Variants in GUCY1A2 observed in about 807,000 individuals in gnomAD.
GUCY1A2 encodes the protein guanylate cyclase 1 soluble subunit alpha 2, also known as guanylate cyclase soluble subunit alpha-2.
A neutral mutation model predicts 63.5 loss-of-function variants in GUCY1A2; 27 were observed. The ratio of observed to expected loss-of-function variants is 0.43; its 90% CI spans 0.31 to 0.59. The LOEUF (loss-of-function observed/expected upper bound fraction) is 0.59, where lower values mean the gene tolerates loss of function less well. Among genes scored for constraint, GUCY1A2 ranks in the 20% least tolerant of loss-of-function variants. The pLI, the probability that GUCY1A2 is intolerant of heterozygous loss-of-function variation, is 0.11. For missense variants in GUCY1A2, 768 were observed against 913.3 expected, an observed-to-expected ratio of 0.84 and a Z score of 2.05; for synonymous variants, 364 against 343.5, an observed-to-expected ratio of 1.06 and a Z score of -0.66.
chr11:106,939,493 C>T lies in GUCY1A2; in HGVS notation c.1173G>A (p.Lys391=). Residue 391 remains lysine, a synonymous_variant, in exon 4 of 8, where the codon AAG becomes AAA. Transcript: ENST00000526355. ...RLSTPFVIRT[K]PEASGSENKD... is the part of the protein sequence containing the mutation. ...TATTTTCAGAGCCAGAAGCCTCAGG[C>T]TTGGTTCTAATCACAAACGGGGTAG... The T allele has an allele frequency of 6.2e-7, 1 of 1,605,920 alleles. No individual in the cohort carries two copies. The highest frequency in any genetic ancestry group is 8.5e-7 in the Non-Finnish European group (1 of 1,173,100).
intron 6 of GUCY1A2, among the ~76,000 whole-genome samples, chr11:106,718,972 A>C (rs941722877): frequency 6.6e-6 from 1 of 152,166 alleles, no homozygotes; most frequent in Non-Finnish European, 1.5e-5. Context: ...GTCTTTGGCT[A>C]TCTAACCAAT....
chr11:106,753,045 A>G (rs1863911037), intron 6 of GUCY1A2, among the ~76,000 whole-genome samples: 1 of 150,588 alleles, frequency 6.6e-6, no homozygotes, highest in Admixed American at 6.6e-5. Context: ...TTTAATGATC[A>G]TGATGTTAAC....
chr11:106,769,559 A>T (rs189357569), intron 6 of GUCY1A2, among the ~76,000 whole-genome samples: 135 of 152,316 alleles, frequency 8.9e-4, no homozygotes, highest in African/African-American at 3.2e-3. Flanking sequence ...CTTTTTAAAA[A>T]CAAACACATT....
At chr11:106,827,180 A>C (rs1230191608) in intron 4 of GUCY1A2, 7 of 1,504,266 alleles carry the variant, frequency 4.7e-6, no homozygotes, top group Non-Finnish European at 6.5e-6. Flanking sequence ...CCTTCATGCC[A>C]ATCTGGTCCC....
At chr11:106,713,028 C>G (rs540055079) in intron 6 of GUCY1A2, among the ~76,000 whole-genome samples, 55 of 152,262 alleles carry the variant, frequency 3.6e-4, no homozygotes, top group African/African-American at 1.3e-3. Flanking sequence ...CCTCCTTGGT[C>G]TCCCAAGACT....
chr11:106,927,652 C>T (rs1860545173), intron 4 of GUCY1A2, among the ~76,000 whole-genome samples: 1 of 151,618 alleles, frequency 6.6e-6, no homozygotes, highest in Non-Finnish European at 1.5e-5. Flanking sequence ...GCAAGCTCCA[C>T]CTTCCGGGTT....
intron 4 of GUCY1A2, among the ~76,000 whole-genome samples, chr11:106,889,797 A>G (rs1052019720): frequency 1.3e-5 from 2 of 152,196 alleles, no homozygotes; most frequent in African/African-American, 4.8e-5. Context: ...ACTGAAGCCT[A>G]TATTACAACC....
At chr11:106,728,694 A>G (rs1265387669) in intron 6 of GUCY1A2, among the ~76,000 whole-genome samples, 1 of 152,192 alleles carries the variant, frequency 6.6e-6, no homozygotes, top group Non-Finnish European at 1.5e-5. Context: ...AATAGTTAAA[A>G]CTGAAGATGT....
intron 3 of GUCY1A2, among the ~76,000 whole-genome samples, chr11:106,950,960 C>A (rs1409058751): frequency 1.3e-5 from 2 of 152,114 alleles, no homozygotes; most frequent in Admixed American, 1.3e-4. Flanking sequence ...TCTCAATGTT[C>A]AACTCCCACT....
At chr11:106,898,152 A>G (rs1860077670) in intron 4 of GUCY1A2, among the ~76,000 whole-genome samples, 1 of 152,214 alleles carries the variant, frequency 6.6e-6, no homozygotes, top group South Asian at 2.1e-4. Context: ...AGATACCACT[A>G]CACACCTATG....
chr11:106,984,015 A>G (rs1412011973), intron 2 of GUCY1A2, among the ~76,000 whole-genome samples: 1 of 152,210 alleles, frequency 6.6e-6, no homozygotes, highest in Non-Finnish European at 1.5e-5. Flanking sequence ...AGAGAAATAG[A>G]AAGTAGAAAG....
At chr11:106,789,030 C>G (rs530305287) in intron 5 of GUCY1A2, among the ~76,000 whole-genome samples, 14 of 152,256 alleles carry the variant, frequency 9.2e-5, no homozygotes, top group African/African-American at 3.4e-4. Context: ...TCCAATCCAT[C>G]AACATGAAAT....
chr11:106,701,279 A>G (rs1367602505), intron 7 of GUCY1A2, among the ~76,000 whole-genome samples: 1 of 152,012 alleles, frequency 6.6e-6, no homozygotes, highest in Non-Finnish European at 1.5e-5. Context: ...TTTGTCCCAT[A>G]TACTCATGTT....
intron 4 of GUCY1A2, among the ~76,000 whole-genome samples, chr11:106,906,157 A>G (rs931505764): frequency 5.3e-5 from 8 of 152,164 alleles, no homozygotes; most frequent in Non-Finnish European, 1.0e-4. Flanking sequence ...TAAACAGGAA[A>G]CCTACAGAAT....
At chr11:106,795,488 A>G (rs1210485270) in intron 5 of GUCY1A2, among the ~76,000 whole-genome samples, 2 of 152,192 alleles carry the variant, frequency 1.3e-5, no homozygotes, top group Non-Finnish European at 2.9e-5. Context: ...CAATCTTAAG[A>G]ACAGCATTAT....
At chr11:106,867,405 G>A (rs1039879614) in intron 4 of GUCY1A2, among the ~76,000 whole-genome samples, 4 of 152,006 alleles carry the variant, frequency 2.6e-5, no homozygotes, top group Non-Finnish European at 5.9e-5. Context: ...AGACTCTCCA[G>A]TTAGGAAGAG....
At chr11:106,779,774 T>C (rs1228256822) in intron 5 of GUCY1A2, among the ~76,000 whole-genome samples, 2 of 152,200 alleles carry the variant, frequency 1.3e-5, no homozygotes, top group Admixed American at 6.5e-5. Flanking sequence ...TCTAATTGCA[T>C]AGAAAAGTTA....
chr11:106,723,438 T>G (rs1863352264), intron 6 of GUCY1A2, among the ~76,000 whole-genome samples: 2 of 152,256 alleles, frequency 1.3e-5, no homozygotes, highest in Non-Finnish European at 2.9e-5. Flanking sequence ...AGTACTGACT[T>G]CTGGGAAAAC....
At chr11:106,781,440 A>G (rs1348573615) in intron 5 of GUCY1A2, among the ~76,000 whole-genome samples, 2 of 152,134 alleles carry the variant, frequency 1.3e-5, no homozygotes, top group Admixed American at 1.3e-4. Context: ...AGCTGCTTTT[A>G]TAAAACTTTG....
Sources: gnomAD v4.1 joint callset for allele counts (sites outside exome capture counted in the v4.1 genomes callset) on GRCh38, gnomAD v4.1.1 for gene constraint, MANE v1.5 for transcripts, NCBI Gene and HGNC (gene_info 2026-07-23, HGNC 2026-07-21) for gene names.